Variants in LDHAL6A observed in about 807,000 individuals in gnomAD.
The protein encoded by LDHAL6A is lactate dehydrogenase A like 6A, also known as L-lactate dehydrogenase A-like 6A.
In LDHAL6A, 19 loss-of-function variants were observed where a neutral mutation model predicts 28.2. The observed-to-expected ratio is 0.67, with a 90% CI of 0.47 to 0.99. The LOEUF is 0.99. Among genes scored for constraint, LDHAL6A ranks in the 50% least tolerant of loss-of-function variants. The probability of loss-of-function intolerance (pLI) is 0.00; values close to 1 mark genes in which losing one functional copy is unlikely to be tolerated. For synonymous variants in LDHAL6A, 144 were observed against 134.4 expected (o/e 1.07, Z -0.49); for missense variants, 372 against 398.6 (o/e 0.93, Z 0.57).
chr11:18,461,343 C>T (rs906784262), intron 1 of LDHAL6A, among the ~76,000 whole-genome samples: 23 of 149,202 alleles, frequency 1.5e-4, no homozygotes, highest in Non-Finnish European at 2.1e-4. Context: ...CAGGGTTTCA[C>T]CATATTGGCC....
At chr11:18,463,914 TAATC>T (rs766510604) in intron 1 of LDHAL6A, 43 bp from the exon 2 acceptor site, 32 of 1,189,426 alleles carry the variant, frequency 2.7e-5, no homozygotes, top group Non-Finnish European at 3.5e-5. Context: ...ATTCTCCAGT[TAATC>T]AAGAGATACA....
chr11:18,462,375 T>C lies in LDHAL6A; in HGVS notation c.127-1586T>C, dbSNP rs188308389. Among the ~76,000 whole-genome samples, 316 of 151,964 alleles carry C rather than the reference T, an allele frequency of 2.1e-3. 4 individuals are homozygous for C. Among genetic ancestry groups the C allele is most frequent in the South Asian group, 0.017 (82 of 4,810 alleles). ...AAAATTGGCCGGGTGCGGTGTCTCA[T>C]GCCTGTAATCCCAGCACTTTGGGAG... On this transcript the variant is annotated intron_variant, in intron 1 of 6. Coordinates refer to ENST00000280706, the MANE Select transcript of LDHAL6A (RefSeq NM_144972.5).
chr11:18,476,607 T>C, intron 5 of LDHAL6A, 106 bp downstream of exon 5: 1 of 1,483,084 alleles, frequency 6.7e-7, no homozygotes, highest in Non-Finnish European at 9.0e-7. Context: ...ATTTCCCATA[T>C]TTTTATTTGC....
chr11:18,465,433 T>G (rs1420494585), intron 2 of LDHAL6A, among the ~76,000 whole-genome samples: 4 of 151,556 alleles, frequency 2.6e-5, no homozygotes, highest in Admixed American at 6.6e-5. Context: ...TACGTTTTTT[T>G]TTTTTTTTTT....
chr11:18,463,939 T>C (rs1340871980), intron 1 of LDHAL6A, 22 bp from the exon 2 acceptor site: 4 of 1,485,766 alleles, frequency 2.7e-6, no homozygotes, highest in South Asian at 2.3e-5. Context: ...CTCACACCCA[T>C]TGGACTAACA....
At chr11:18,476,549 GAACTCT>G in intron 5 of LDHAL6A, 48 bp downstream of exon 5, 1 of 1,595,000 alleles carries the variant, frequency 6.3e-7, no homozygotes, top group Non-Finnish European at 8.5e-7. Context: ...TTGTGAGCCT[GAACTCT>G]GTTAGAAGGT....
chr11:18,473,065 C>T (rs377526508), intron 3 of LDHAL6A, among the ~76,000 whole-genome samples: 1 of 151,988 alleles, frequency 6.6e-6, no homozygotes, highest in African/African-American at 2.4e-5. Context: ...AAAAACCCAA[C>T]ACATTTCCTC....
intron 3 of LDHAL6A, among the ~76,000 whole-genome samples, chr11:18,466,441 C>A (rs1849075399): frequency 6.6e-6 from 1 of 151,906 alleles, no homozygotes; most frequent in Non-Finnish European, 1.5e-5. Flanking sequence ...GTGCTTGAAT[C>A]CAGGAGTTTG....
rs764792706 is a variant in LDHAL6A at position 18,465,755 on chromosome 11, T to C, written c.363T>C (p.Ile121=). The C allele has an allele frequency of 1.2e-6, 2 of 1,613,744 alleles. No homozygotes were observed. Among genetic ancestry groups the C allele is most frequent in the Non-Finnish European group, 1.7e-6 (2 of 1,179,640 alleles). Reference sequence around the variant, plus strand: ...ATGTATCCATCTTTAAATTAATGATTCCCAATATTACCCAGTACAGTCCTC... The same window carrying C: ...ATGTATCCATCTTTAAATTAATGATCCCCAATATTACCCAGTACAGTCCTC... The part of the protein sequence containing the change: ...QRNVSIFKLM[I]PNITQYSPHC... The change falls in exon 3 of 7, where the codon ATT becomes ATC. Residue 121 remains isoleucine (I), a synonymous_variant. Transcript: ENST00000280706.
intron 3 of LDHAL6A, among the ~76,000 whole-genome samples, chr11:18,470,930 G>A (rs948719951): frequency 6.6e-6 from 1 of 151,988 alleles, no homozygotes; most frequent in African/African-American, 2.4e-5. Flanking sequence ...CAAGAGATCC[G>A]CTCACTTCAG....
At position 18,477,662 on chromosome 11, in the gene LDHAL6A, C is replaced by A; in HGVS notation, c.753C>A (p.Gly251=). The A allele has an allele frequency of 6.2e-7, 1 of 1,612,518 alleles. No homozygotes were observed. The highest frequency in any genetic ancestry group is 8.5e-7 in the Non-Finnish European group (1 of 1,179,194). ...MVKMKGYTSW[G]ISLSVADLTE... ...AAATGAAAGGTTATACTTCTTGGGG[C>A]ATTAGCCTATCTGTAGCTGATTTAA... The change falls in exon 6 of 7, where the codon GGC becomes GGA. Residue 251 remains glycine, a synonymous_variant. Transcript: ENST00000280706.
At chr11:18,473,806 T>C (rs1232251646) in intron 3 of LDHAL6A, among the ~76,000 whole-genome samples, 1 of 152,238 alleles carries the variant, frequency 6.6e-6, no homozygotes, top group Non-Finnish European at 1.5e-5. Flanking sequence ...CCTTGTCTTG[T>C]TTCTGACTTT....
intron 2 of LDHAL6A, 29 bp from the exon 3 acceptor site, chr11:18,465,608 A>G (rs1220654378): frequency 6.3e-7 from 1 of 1,585,804 alleles, no homozygotes; most frequent in Admixed American, 1.7e-5. Flanking sequence ...TTCTTTCATA[A>G]TCGATTGTTT....
chr11:18,464,977 GTTT>G (rs67628824), intron 2 of LDHAL6A, among the ~76,000 whole-genome samples: 1 of 125,488 alleles, frequency 8.0e-6, no homozygotes, highest in Non-Finnish European at 1.6e-5. Context: ...TGTTTTTTTT[GTTT>G]TTTTTTGTTT....
intron 1 of LDHAL6A, among the ~76,000 whole-genome samples, chr11:18,459,965 C>T (rs545391719): frequency 3.3e-5 from 5 of 152,290 alleles, no homozygotes; most frequent in Non-Finnish European, 7.4e-5. Context: ...TAAAGTGCCA[C>T]TTTTCATCAC....
In LDHAL6A at chr11:18,476,304, A is replaced by G. The variant is rs1013434450; in HGVS notation, c.593-80A>G. ...TAGTTGGAAATCACTCAGGGCAATT[A>G]TAACAGTTTTGCTGAGGTCAAAAAC... On this transcript the variant is annotated intron_variant, in intron 4 of 6. Transcript: ENST00000280706. 35 of 1,499,798 alleles carry G rather than the reference A, an allele frequency of 2.3e-5. 1 individual carries two copies. The highest frequency in any genetic ancestry group is 9.4e-5 in the East Asian group (4 of 42,600). 92.9% of individuals were successfully genotyped at this position (1,499,798 alleles called of 1,614,324 possible). A position where few individuals can be genotyped will look rare whatever the true frequency, so the allele number is the denominator to read the frequency against.
At chr11:18,463,116 G>T (rs981426303) in intron 1 of LDHAL6A, among the ~76,000 whole-genome samples, 4 of 152,064 alleles carry the variant, frequency 2.6e-5, no homozygotes, top group Admixed American at 2.0e-4. Context: ...TAATCCATTT[G>T]CTGTGGTTTG....
chr11:18,471,630 CTG>C (rs1409689004), intron 3 of LDHAL6A, among the ~76,000 whole-genome samples: 3 of 151,686 alleles, frequency 2.0e-5, no homozygotes, highest in Non-Finnish European at 4.4e-5. Flanking sequence ...AATTTCAAAA[CTG>C]TTCAGAATGA....
At chr11:18,460,455 C>T (rs1412443913) in intron 1 of LDHAL6A, among the ~76,000 whole-genome samples, 2 of 151,442 alleles carry the variant, frequency 1.3e-5, no homozygotes, top group African/African-American at 4.9e-5. Context: ...TAGCTGGGCA[C>T]GGTGGCATGC....
Sources: gnomAD v4.1 joint callset for allele counts (sites outside exome capture counted in the v4.1 genomes callset) on GRCh38, gnomAD v4.1.1 for gene constraint, MANE v1.5 for transcripts, NCBI Gene and HGNC (gene_info 2026-07-23, HGNC 2026-07-21) for gene names.